ABLIM1: variants seen among roughly 807,000 people sequenced by gnomAD.
ABLIM1 encodes the protein actin binding LIM protein 1, also known as actin-binding LIM protein 1.
In ABLIM1, 40 loss-of-function variants were observed where a neutral mutation model predicts 107.0. The observed-to-expected ratio is 0.37, with a 90% CI of 0.29 to 0.49. The LOEUF (loss-of-function observed/expected upper bound fraction) is 0.49, where lower values mean the gene tolerates loss of function less well. Ranked by LOEUF, ABLIM1 falls within the 20% of genes least tolerant of loss-of-function variation. The pLI is 0.97. For missense variants in ABLIM1, 857 were observed against 1,008.5 expected (o/e 0.85, Z 2.04); for synonymous variants, 357 against 357.3 (o/e 1.00, Z 0.01).
At chr10:114,745,444 C>G (rs575737461) in intron 1 of ABLIM1, among the ~76,000 whole-genome samples, 1 of 151,642 alleles carries the variant, frequency 6.6e-6, no homozygotes, top group Admixed American at 6.6e-5. Context: ...GCCTGTAATC[C>G]CAGCTACCCA....
chr10:114,572,704 T>C (rs1011936163), intron 3 of ABLIM1, among the ~76,000 whole-genome samples: 2 of 152,220 alleles, frequency 1.3e-5, no homozygotes, highest in African/African-American at 4.8e-5. Context: ...CTCTGCTGGA[T>C]GCCAGTAGCC....
At chr10:114,509,449 T>C (rs2061561738) in intron 6 of ABLIM1, among the ~76,000 whole-genome samples, 2 of 152,100 alleles carry the variant, frequency 1.3e-5, no homozygotes, top group Non-Finnish European at 2.9e-5. Context: ...GTGCTGTTCT[T>C]CCCAATCCTT....
At chr10:114,686,379 G>A (rs114065225), upstream of ABLIM1, among the ~76,000 whole-genome samples, 2 of 151,854 alleles carry the variant, frequency 1.3e-5, no homozygotes, top group Non-Finnish European at 2.9e-5. Flanking sequence ...CAGGCATGGC[G>A]GCCTGCACCT....
chr10:114,601,905 T>C lies in ABLIM1; in HGVS notation c.301A>G (p.Lys101Glu). The part of the protein sequence containing the change: ...PSEKPVIHCH[K>E]CGEPCKGEVL... ...TCACCCTTGCAAGGCTCCCCACATT[T>C]ATGGCAGTGAATGACAGGCTTCTCT... The change falls in exon 2 of 23, where the codon AAA (lysine) becomes GAA (glutamate). Residue 101 changes from lysine (K) to glutamate (E), a missense_variant. This residue lies in a region of ABLIM1 where 176 missense variants were observed against 173.5 expected (regional missense o/e 1.01). Coordinates refer to ENST00000533213, the MANE Select transcript of ABLIM1 (RefSeq NM_002313.7). 1 of 1,614,110 alleles carries C rather than the reference T, an allele frequency of 6.2e-7. No homozygotes were observed. Among genetic ancestry groups the C allele is most frequent in the Non-Finnish European group, 8.5e-7 (1 of 1,180,008 alleles).
chr10:114,632,592 ATT>A (rs1484349144), intron 1 of ABLIM1: 1 of 985,424 alleles, frequency 1.0e-6, no homozygotes, highest in Non-Finnish European at 1.2e-6. Context: ...CCCCGCTATA[ATT>A]TACCTGAATG....
Position 114,434,343 on chromosome 10 carries a change from CA to C in ABLIM1, c.*1916del, listed in dbSNP as rs1565167370. 1 of 149,444 alleles carries C rather than the reference CA, an allele frequency of 6.7e-6. No homozygotes were observed. The highest frequency in any genetic ancestry group is 1.5e-5 in the Non-Finnish European group (1 of 68,192). 9.3% of individuals were successfully genotyped at this position (149,444 alleles called of 1,614,324 possible). ...CACACACACACACGAGAGTAGTCCT[CA>C]TTCAGTGCATAGCAATGGAAGGCTA... is the stretch of plus-strand genomic sequence containing the variant. On this transcript the variant is annotated 3_prime_UTR_variant, in exon 23 of 23. Transcript: ENST00000533213.
chr10:114,792,564 G>T, the ABLIM1 span, among the ~76,000 whole-genome samples: 1 of 152,122 alleles, frequency 6.6e-6, no homozygotes, highest in Non-Finnish European at 1.5e-5. Flanking sequence ...GGACACCACT[G>T]CTTTGTGGTT....
chr10:114,612,907 T>C (rs935436697), intron 1 of ABLIM1, among the ~76,000 whole-genome samples: 3 of 152,180 alleles, frequency 2.0e-5, no homozygotes, highest in Non-Finnish European at 4.4e-5. Flanking sequence ...ACCATTACCT[T>C]CTACTCTCTA....
At chr10:114,552,802 A>G (rs561232866) in intron 4 of ABLIM1, among the ~76,000 whole-genome samples, 228 of 152,342 alleles carry the variant, frequency 1.5e-3, no homozygotes, top group Non-Finnish European at 2.5e-3. Flanking sequence ...TTCAGGAAAA[A>G]AGAGAAGAGA....
chr10:114,550,523 C>A (rs558894277), intron 4 of ABLIM1, among the ~76,000 whole-genome samples: 2 of 152,168 alleles, frequency 1.3e-5, no homozygotes, highest in African/African-American at 4.8e-5. Flanking sequence ...AGAGTGGAAC[C>A]ATTGTTATAA....
intron 8 of ABLIM1, among the ~76,000 whole-genome samples, chr10:114,486,592 C>T (rs955351213): frequency 1.3e-5 from 2 of 152,178 alleles, no homozygotes; most frequent in African/African-American, 2.4e-5. Context: ...TGTGACTATC[C>T]GGCTGATGGA....
intron 6 of ABLIM1, among the ~76,000 whole-genome samples, chr10:114,511,413 T>C (rs754524013): frequency 1.3e-5 from 2 of 151,986 alleles, no homozygotes; most frequent in Non-Finnish European, 2.9e-5. Context: ...TCACCCAGGC[T>C]GGAGTGCAGT....
chr10:114,763,560 T>C (rs546850790), intron 1 of ABLIM1, among the ~76,000 whole-genome samples: 16 of 152,188 alleles, frequency 1.1e-4, no homozygotes, highest in Admixed American at 4.6e-4. Flanking sequence ...CTAAGTTTTG[T>C]ACTTTTTTTT....
intron 2 of ABLIM1, among the ~76,000 whole-genome samples, chr10:114,589,858 T>C (rs2074662045): frequency 1.3e-5 from 2 of 152,158 alleles, no homozygotes; most frequent in African/African-American, 2.4e-5. Flanking sequence ...AAATGTAGCA[T>C]AGTCTATGTG....
chr10:114,631,926 G>T, intron 1 of ABLIM1: 1 of 1,304,470 alleles, frequency 7.7e-7, no homozygotes, highest in Non-Finnish European at 1.0e-6. Context: ...ATGGCAACCG[G>T]GTCCTCCGAC....
intron 6 of ABLIM1, among the ~76,000 whole-genome samples, chr10:114,497,681 CA>C (rs576676119): frequency 0.35 from 26,139 of 75,026 alleles, 3,264 homozygotes; most frequent in South Asian, 0.44. Context: ...GATTCTGTCT[CA>C]AAAAAAAAAA....
intron 1 of ABLIM1, among the ~76,000 whole-genome samples, chr10:114,679,395 G>A (rs960418990): frequency 6.6e-6 from 1 of 152,126 alleles, no homozygotes; most frequent in Non-Finnish European, 1.5e-5. Flanking sequence ...AGCACTCTGG[G>A]AGGCCTAGGC....
At chr10:114,613,206 C>G (rs1331721099) in intron 1 of ABLIM1, among the ~76,000 whole-genome samples, 2 of 152,158 alleles carry the variant, frequency 1.3e-5, no homozygotes, top group African/African-American at 2.4e-5. Context: ...TCCTGTGATC[C>G]CATCAACCCC....
intron 1 of ABLIM1, among the ~76,000 whole-genome samples, chr10:114,663,291 C>G (rs571432387): frequency 7.3e-4 from 111 of 152,290 alleles, no homozygotes; most frequent in African/African-American, 2.5e-3. Context: ...TAGCAGCTCT[C>G]CCATGGTATT....
Sources: allele counts gnomAD v4.1 joint callset (sites outside exome capture counted in the v4.1 genomes callset), GRCh38; gene constraint gnomAD v4.1.1; regional missense constraint gnomAD v4.1.1; transcripts MANE v1.5; gene names NCBI Gene and HGNC (gene_info 2026-07-23, HGNC 2026-07-21).